Variants in SV2C observed in about 807,000 individuals in gnomAD.
SV2C encodes synaptic vesicle glycoprotein 2C.
SV2C carries 49 observed loss-of-function variants against 79.7 expected under a neutral mutation model. That is an observed-to-expected ratio of 0.61 (90% CI 0.49 to 0.78). SV2C has a LOEUF of 0.78. Among genes scored for constraint, SV2C ranks in the 30% least tolerant of loss-of-function variants. SV2C has a pLI of 0.00. For synonymous variants in SV2C, 334 were observed against 333.2 expected (o/e 1.00, Z -0.03); for missense variants, 833 against 912.9 (o/e 0.91, Z 1.13).
At chr5:76,271,251 G>T (rs1183757061) in intron 4 of SV2C, among the ~76,000 whole-genome samples, 1 of 152,212 alleles carries the variant, frequency 6.6e-6, no homozygotes, top group Admixed American at 6.5e-5. Flanking sequence ...CTTAACATAC[G>T]CTCTGCCAAA....
At chr5:76,301,113 CCATG>C (rs1747982397) in intron 11 of SV2C, among the ~76,000 whole-genome samples, 181 bp downstream of exon 11, 1 of 152,198 alleles carries the variant, frequency 6.6e-6, no homozygotes, top group South Asian at 2.1e-4. Context: ...TGAGTGGTTT[CCATG>C]AGTTAACAGA....
chr5:75,911,251 G>T, the SV2C span: 2 of 1,516,050 alleles, frequency 1.3e-6, no homozygotes, highest in South Asian at 1.1e-5. Context: ...GTCCCAGGAG[G>T]AAGTTCTCCC....
At chr5:76,051,529 T>C in the SV2C span, among the ~76,000 whole-genome samples, 11 of 152,346 alleles carry the variant, frequency 7.2e-5, no homozygotes, top group African/African-American at 2.6e-4. Context: ...AGAAGAATTA[T>C]TATGTATTCT....
chr5:76,245,936 A>ATGTGTATGTGTGTGTGTGTGTGTG (rs375007331), intron 4 of SV2C, among the ~76,000 whole-genome samples: 19 of 129,150 alleles, frequency 1.5e-4, no homozygotes, highest in African/African-American at 4.5e-4. Context: ...GTGTGTGTGT[A>ATGTGTATGTGTGTGTGTGTGTGTG]TGTGTGTGTG....
At chr5:76,007,771 C>A in the SV2C span, among the ~76,000 whole-genome samples, 1 of 152,150 alleles carries the variant, frequency 6.6e-6, no homozygotes, top group Non-Finnish European at 1.5e-5. Context: ...TTTTAGGAGA[C>A]CCTCTCTATG....
At chr5:76,085,739 T>C (rs1339769162) in intron 1 of SV2C, among the ~76,000 whole-genome samples, 1 of 152,014 alleles carries the variant, frequency 6.6e-6, no homozygotes, top group Non-Finnish European at 1.5e-5. Context: ...CAGGGTTGTT[T>C]TGAAGACAAA....
intron 12 of SV2C, among the ~76,000 whole-genome samples, chr5:76,342,148 T>C (rs1009567604): frequency 1.3e-5 from 2 of 151,928 alleles, no homozygotes; most frequent in African/African-American, 4.8e-5. Flanking sequence ...GAAGGGGAAG[T>C]GGTCATGCAT....
the SV2C span, among the ~76,000 whole-genome samples, chr5:76,066,694 G>A: frequency 6.6e-6 from 1 of 151,558 alleles, no homozygotes; most frequent in Non-Finnish European, 1.5e-5. Flanking sequence ...TAACTGAACT[G>A]AGGTTCACAT....
chr5:76,140,582 T>C (rs1034884933), intron 2 of SV2C, among the ~76,000 whole-genome samples: 1 of 152,170 alleles, frequency 6.6e-6, no homozygotes, highest in Non-Finnish European at 1.5e-5. Flanking sequence ...TGGCTCACGG[T>C]GCATTGAACC....
the SV2C span, among the ~76,000 whole-genome samples, chr5:75,923,631 A>G: frequency 6.6e-6 from 1 of 152,224 alleles, no homozygotes; most frequent in African/African-American, 2.4e-5. Flanking sequence ...TCAAAAGAAG[A>G]TATACAAATA....
At chr5:76,037,713 T>C in the SV2C span, among the ~76,000 whole-genome samples, 1 of 152,218 alleles carries the variant, frequency 6.6e-6, no homozygotes, top group South Asian at 2.1e-4. Context: ...GTCTGTGCCC[T>C]GCCCCCAGAG....
At chr5:75,890,507 A>T in the SV2C span, among the ~76,000 whole-genome samples, 1 of 152,072 alleles carries the variant, frequency 6.6e-6, no homozygotes, top group African/African-American at 2.4e-5. Context: ...AATTTCCATC[A>T]TTCCATCACT....
chr5:76,053,467 C>A, the SV2C span, among the ~76,000 whole-genome samples: 1 of 152,242 alleles, frequency 6.6e-6, no homozygotes, highest in African/African-American at 2.4e-5. Context: ...AATTGATTAA[C>A]GTGTGACAAT....
the SV2C span, among the ~76,000 whole-genome samples, chr5:76,048,241 G>A: frequency 3.9e-5 from 6 of 152,184 alleles, no homozygotes; most frequent in Non-Finnish European, 8.8e-5. Flanking sequence ...GGAGAATCAG[G>A]AAAGCTGGTG....
the SV2C span, among the ~76,000 whole-genome samples, chr5:75,878,559 C>T: frequency 6.6e-6 from 1 of 152,012 alleles, no homozygotes; most frequent in Non-Finnish European, 1.5e-5. Context: ...GAGTTCAAGC[C>T]CTAAACTAAT....
At chr5:76,086,439 G>C (rs555374908) in intron 1 of SV2C, among the ~76,000 whole-genome samples, 2 of 152,310 alleles carry the variant, frequency 1.3e-5, no homozygotes, top group African/African-American at 4.8e-5. Context: ...AGATTTCTGT[G>C]AGTAGTGAAA....
chr5:76,299,948 G>C (rs1747923614), intron 10 of SV2C, among the ~76,000 whole-genome samples: 1 of 152,086 alleles, frequency 6.6e-6, no homozygotes, highest in South Asian at 2.1e-4. Flanking sequence ...GCTGACTCTT[G>C]TTCCTCAGTA....
At chr5:76,103,387 G>C (rs1343056995) in intron 1 of SV2C, among the ~76,000 whole-genome samples, 1 of 152,150 alleles carries the variant, frequency 6.6e-6, no homozygotes, top group East Asian at 1.9e-4. Flanking sequence ...ATTTCAAGTA[G>C]TATAATACTG....
At chr5:75,859,664 G>A in the SV2C span, among the ~76,000 whole-genome samples, 1 of 152,024 alleles carries the variant, frequency 6.6e-6, no homozygotes, top group Non-Finnish European at 1.5e-5. Flanking sequence ...TAACCACTCC[G>A]CGGCATTCCA....
Sources: allele counts gnomAD v4.1 joint callset (sites outside exome capture counted in the v4.1 genomes callset), GRCh38; gene constraint gnomAD v4.1.1; transcripts MANE v1.5; gene names NCBI Gene and HGNC (gene_info 2026-07-23, HGNC 2026-07-21).